NFS1: variants seen among roughly 807,000 people sequenced by gnomAD.
NFS1 encodes the protein NFS1 cysteine desulfurase.
In NFS1, 26 loss-of-function variants were observed where a neutral mutation model predicts 57.3. The ratio of observed to expected loss-of-function variants is 0.45; its 90% CI spans 0.33 to 0.63. The LOEUF (loss-of-function observed/expected upper bound fraction) is 0.63, where lower values mean the gene tolerates loss of function less well. Among genes scored for constraint, NFS1 ranks in the 20% least tolerant of loss-of-function variants. The pLI is 0.02. For synonymous variants in NFS1, 209 were observed against 216.3 expected, an observed-to-expected ratio of 0.97 and a Z score of 0.30; for missense variants, 505 against 605.8, an observed-to-expected ratio of 0.83 and a Z score of 1.75.
intron 4 of NFS1, among the ~76,000 whole-genome samples, chr20:35,693,152 G>C (rs1385610900): frequency 6.6e-6 from 1 of 151,972 alleles, no homozygotes; most frequent in Non-Finnish European, 1.5e-5. Flanking sequence ...ACCCAGGCTG[G>C]AGTGCAGTGG....
intron 6 of NFS1, 31 bp from the exon 7 acceptor site, chr20:35,680,902 C>A: frequency 6.9e-7 from 1 of 1,450,510 alleles, no homozygotes; most frequent in South Asian, 1.6e-5. Flanking sequence ...ACCCACAGCA[C>A]AATGTTGGAA....
At position 35,669,225 on chromosome 20, in the gene NFS1, G is replaced by A. The variant is rs1406410098; in HGVS notation, c.*397C>T. On this transcript the variant is annotated 3_prime_UTR_variant, in exon 13 of 13. Transcript: ENST00000374092. ...GATTATGCTTGCTGTTAAAGAAGCT[G>A]GTCCAGCCGAGCAGCAGCAGAAGAC... 6.1e-6 allele frequency: 1 copy of A among 164,626 alleles called. No homozygotes were observed. The highest frequency in any genetic ancestry group is 1.3e-5 in the Non-Finnish European group (1 of 76,192). 10.2% of individuals were successfully genotyped at this position (164,626 alleles called of 1,614,324 possible).
chr20:35,671,775 A>G (rs1204811684), intron 12 of NFS1, among the ~76,000 whole-genome samples: 1 of 151,580 alleles, frequency 6.6e-6, no homozygotes, highest in African/African-American at 2.4e-5. Flanking sequence ...CTGTAGTACC[A>G]GCTACTTGGG....
At chr20:35,697,877 A>C (rs1601539944) in intron 2 of NFS1, 77 bp from the exon 3 acceptor site, 2 of 928,136 alleles carry the variant, frequency 2.2e-6, no homozygotes, top group Middle Eastern at 4.7e-4. Flanking sequence ...AGACCTGGCC[A>C]CCCTGCCTTA....
chr20:35,690,294 A>G (rs1337297901), intron 5 of NFS1, 119 bp downstream of exon 5: 1 of 973,834 alleles, frequency 1.0e-6, no homozygotes, highest in Non-Finnish European at 1.6e-6. Flanking sequence ...TATTTCTCTA[A>G]ACTTCATCCT....
intron 4 of NFS1, 146 bp downstream of exon 4, chr20:35,696,231 A>C (rs1231429716): frequency 1.5e-6 from 1 of 679,402 alleles, no homozygotes; most frequent in Non-Finnish European, 2.7e-6. Context: ...TAAAGGAAGC[A>C]ACAAATCAGA....
chr20:35,669,264 T>TC lies in NFS1; in HGVS notation c.*357dup, dbSNP rs1287725732. On this transcript the variant is annotated 3_prime_UTR_variant, in exon 13 of 13. Coordinates refer to ENST00000374092, the MANE Select transcript of NFS1 (RefSeq NM_021100.5). ...GCAGCAGAAGACGAAGACTCAAATGTCCATGTAGAGCATCATGGTCCCTGA... is the reference window on the plus strand; with the variant it reads ...GCAGCAGAAGACGAAGACTCAAATGTCCCATGTAGAGCATCATGGTCCCTGA... The TC allele has an allele frequency of 5.3e-6, 1 of 187,598 alleles. No individual in the cohort carries two copies. The highest frequency in any genetic ancestry group is 1.1e-5 in the Non-Finnish European group (1 of 90,988). The allele number at this position is 187,598 out of a possible 1,614,324, so 11.6% of individuals were successfully genotyped here. A position where few individuals can be genotyped will look rare whatever the true frequency, so the allele number is the denominator to read the frequency against.
At chr20:35,669,730 A>G in intron 12 of NFS1, 45 bp from the exon 13 acceptor site, 1 of 1,575,594 alleles carries the variant, frequency 6.3e-7, no homozygotes, top group Non-Finnish European at 8.7e-7. Context: ...CTTAGATAGG[A>G]AGTCGACAAC....
Position 35,669,616 on chromosome 20 carries a change from ATTC to A in NFS1, c.*3_*5del. 2 of 1,614,050 alleles carry A rather than the reference ATTC, an allele frequency of 1.2e-6. No homozygotes were observed. The highest frequency in any genetic ancestry group is 1.7e-6 in the Non-Finnish European group (2 of 1,179,926). ...CAGACCAGCACAAAGTCAGGGCCCT[ATTC>A]TTCTAGTGTTGGGTCCACTTGATGC... On this transcript the variant is annotated 3_prime_UTR_variant, in exon 13 of 13. Transcript: ENST00000374092.
At chr20:35,692,653 C>G (rs531470843) in intron 4 of NFS1, among the ~76,000 whole-genome samples, 1 of 150,362 alleles carries the variant, frequency 6.7e-6, no homozygotes, top group Non-Finnish European at 1.5e-5. Flanking sequence ...TGAGATCTGG[C>G]TACTGCACTC....
At chr20:35,671,906 A>C (rs1317857300) in intron 12 of NFS1, among the ~76,000 whole-genome samples, 5 of 151,574 alleles carry the variant, frequency 3.3e-5, no homozygotes, top group Admixed American at 6.6e-5. Context: ...AAAAAAAAAA[A>C]CTACTACCTG....
At chr20:35,693,227 C>T (rs545006900) in intron 4 of NFS1, among the ~76,000 whole-genome samples, 32 of 152,064 alleles carry the variant, frequency 2.1e-4, no homozygotes, top group South Asian at 8.3e-4. Context: ...CTCAGCCTCC[C>T]GAGTAGCTGG....
intron 5 of NFS1, 54 bp from the exon 6 acceptor site, chr20:35,682,035 A>T: frequency 9.8e-7 from 1 of 1,020,114 alleles, no homozygotes; most frequent in Non-Finnish European, 1.5e-6. Flanking sequence ...GTCCTCCTAA[A>T]TCAGAATATA....
At chr20:35,677,951 G>A (rs11908676) in intron 7 of NFS1, among the ~76,000 whole-genome samples, 4,890 of 151,948 alleles carry the variant, frequency 0.032, 270 homozygotes, top group African/African-American at 0.11. Flanking sequence ...ACGGGATTAC[G>A]CCTGTAATTC....
chr20:35,683,766 G>A lies in NFS1; in HGVS notation c.562-1785C>T, dbSNP rs2034890513. 2.1e-5 allele frequency among the ~76,000 whole-genome samples: 3 copies of A among 144,786 alleles called. No individual in the cohort carries two copies. The South Asian group carries it at 6.7e-4, about 32-fold the overall frequency. The allele number at this position is 144,786 out of a possible 152,430, so 95.0% of individuals were successfully genotyped here. A position where few individuals can be genotyped will look rare whatever the true frequency, so the allele number is the denominator to read the frequency against. The stretch of plus-strand genomic sequence containing the variant: ...CACTGCACTCCATGCACTCCAGCCT[G>A]GGCAACAGAGTGAGACTCCATCTCA... On this transcript the variant is annotated intron_variant, in intron 5 of 12. Transcript: ENST00000374092.
chr20:35,673,700 C>T lies in NFS1; in HGVS notation c.1137-16G>A, dbSNP rs200617986. On this transcript the variant is annotated splice_polypyrimidine_tract_variant and intron_variant, in intron 10 of 12. Transcript: ENST00000374092. Reference sequence around the variant, plus strand: ...GGTGCAGGCACTGAGGAGAGAGACACGAACCTTGTTCAGTTCATCATCAAC... The same window carrying T: ...GGTGCAGGCACTGAGGAGAGAGACATGAACCTTGTTCAGTTCATCATCAAC... The T allele has an allele frequency of 5.6e-6, 9 of 1,605,136 alleles. No homozygotes were observed. Among genetic ancestry groups the T allele is most frequent in the African/African-American group, 4.0e-5 (3 of 74,856 alleles).
At chr20:35,689,342 G>A (rs1336912287) in intron 5 of NFS1, among the ~76,000 whole-genome samples, 2 of 151,920 alleles carry the variant, frequency 1.3e-5, no homozygotes, top group Admixed American at 6.6e-5. Flanking sequence ...ACAAAAATTA[G>A]AGCCAGGCAT....
intron 4 of NFS1, 120 bp downstream of exon 4, chr20:35,696,257 C>G: frequency 1.4e-6 from 1 of 720,634 alleles, no homozygotes; most frequent in Non-Finnish European, 2.5e-6. Context: ...TGCAAGCCTT[C>G]TCTTCACAAT....
At chr20:35,680,203 G>C (rs1442671978) in intron 7 of NFS1, among the ~76,000 whole-genome samples, 1 of 152,212 alleles carries the variant, frequency 6.6e-6, no homozygotes, top group Non-Finnish European at 1.5e-5. Flanking sequence ...TACTCGGCAG[G>C]CTGAGGCAGA....
Sources: gnomAD v4.1 joint callset for allele counts (sites outside exome capture counted in the v4.1 genomes callset) on GRCh38, gnomAD v4.1.1 for gene constraint, MANE v1.5 for transcripts, NCBI Gene and HGNC (gene_info 2026-07-23, HGNC 2026-07-21) for gene names.